OLFM3: variants seen among roughly 807,000 people sequenced by gnomAD.
OLFM3 encodes the protein olfactomedin 3.
Under a neutral mutation model 48.6 loss-of-function variants are expected in OLFM3, and 20 were observed. The observed-to-expected ratio is 0.41, with a 90% confidence interval of 0.29 to 0.60. The LOEUF (loss-of-function observed/expected upper bound fraction) is 0.60, where lower values mean the gene tolerates loss of function less well. OLFM3 is among the 20% of genes least tolerant of loss of function. The pLI, the probability that OLFM3 is intolerant of heterozygous loss-of-function variation, is 0.28. For missense variants in OLFM3, 437 were observed against 544.3 expected, an observed-to-expected ratio of 0.80 and a Z score of 1.96; for synonymous variants, 222 against 198.1, an observed-to-expected ratio of 1.12 and a Z score of -1.01.
At chr1:101,958,531 G>A (rs1353363510) in intron 1 of OLFM3, among the ~76,000 whole-genome samples, 1 of 152,056 alleles carries the variant, frequency 6.6e-6, no homozygotes, top group Non-Finnish European at 1.5e-5. Context: ...GGGACTAGCA[G>A]AGCATACAGA....
chr1:101,807,650 G>A (rs920779374), intron 4 of OLFM3, among the ~76,000 whole-genome samples: 16 of 151,882 alleles, frequency 1.1e-4, no homozygotes, highest in Middle Eastern at 6.8e-3. Context: ...TGCACTACTA[G>A]TTTAGTGATA....
In OLFM3 at chr1:101,996,902, T is replaced by G; in HGVS notation, c.-86A>C. 57 of 1,377,846 alleles carry G rather than the reference T, an allele frequency of 4.1e-5. No homozygotes were observed. Among genetic ancestry groups the G allele is most frequent in the Non-Finnish European group, 5.6e-5 (54 of 972,506 alleles). The allele number at this position is 1,377,846 out of a possible 1,614,324, so 85.4% of individuals were successfully genotyped here. A position where few individuals can be genotyped will look rare whatever the true frequency, so the allele number is the denominator to read the frequency against. ...AGACCTTTCCCTCGTCAGTTGCACT[T>G]TCTGCCTGCCAGTCAGAGCCGAGTG... On this transcript the variant is annotated 5_prime_UTR_variant, in exon 1 of 6. Transcript: ENST00000370103.
At chr1:101,933,151 G>GAGATC (rs1659504989) in intron 1 of OLFM3, among the ~76,000 whole-genome samples, 1 of 127,008 alleles carries the variant, frequency 7.9e-6, no homozygotes, top group African/African-American at 3.0e-5. Context: ...GCAGTGAGCT[G>GAGATC]AGATCACGCC....
chr1:101,810,750 C>T (rs1011132809), intron 4 of OLFM3, among the ~76,000 whole-genome samples: 5 of 151,876 alleles, frequency 3.3e-5, no homozygotes, highest in African/African-American at 1.2e-4. Flanking sequence ...AAACTTTTAA[C>T]TCTTACTATT....
intron 1 of OLFM3, among the ~76,000 whole-genome samples, chr1:101,985,840 A>C (rs1410442107): frequency 6.6e-6 from 1 of 152,070 alleles, no homozygotes; most frequent in East Asian, 1.9e-4. Context: ...AATTGCAGTG[A>C]TTTTTCTCCA....
At chr1:101,924,794 T>C (rs1659215141) in intron 1 of OLFM3, among the ~76,000 whole-genome samples, 1 of 152,160 alleles carries the variant, frequency 6.6e-6, no homozygotes, top group Non-Finnish European at 1.5e-5. Flanking sequence ...ATCAAAGCTC[T>C]TCAGTAACAG....
intron 1 of OLFM3, among the ~76,000 whole-genome samples, chr1:101,991,899 G>A (rs1031035834): frequency 6.6e-6 from 1 of 151,626 alleles, no homozygotes. Context: ...TACTATCCAA[G>A]GAAGCTTGTC....
At chr1:101,955,789 G>GA (rs1313562035) in intron 1 of OLFM3, among the ~76,000 whole-genome samples, 2 of 151,806 alleles carry the variant, frequency 1.3e-5, no homozygotes, top group Non-Finnish European at 2.9e-5. Context: ...CTTCAGTCTT[G>GA]AATGCTATAC....
intron 1 of OLFM3, among the ~76,000 whole-genome samples, chr1:101,933,565 C>T (rs887416448): frequency 6.6e-6 from 1 of 152,028 alleles, no homozygotes; most frequent in African/African-American, 2.4e-5. Flanking sequence ...TGAAAATGTC[C>T]TCGACCTCAA....
At chr1:101,824,685 A>AACAAC (rs1654774766) in intron 4 of OLFM3, among the ~76,000 whole-genome samples, 1 of 147,982 alleles carries the variant, frequency 6.8e-6, no homozygotes, top group Admixed American at 6.8e-5. Context: ...ACAACAACAA[A>AACAAC]AAACAGTTTC....
rs568968724 is a variant in OLFM3 at position 101,978,206 on chromosome 1, G to A, written c.69+18542C>T. ...ATTATGGAGAAATGTGTGATTTGGA[G>A]AGAAGTAACATGCTTCAAGTGAGAC... On this transcript the variant is annotated intron_variant, in intron 1 of 5. Transcript: ENST00000370103. Among the ~76,000 whole-genome samples the A allele has an allele frequency of 5.9e-5, 9 of 152,216 alleles. No individual in the cohort carries two copies. In the East Asian group the frequency reaches 1.7e-3, roughly 29 times the overall value.
chr1:101,961,096 A>G (rs926136984), intron 1 of OLFM3, among the ~76,000 whole-genome samples: 1 of 152,152 alleles, frequency 6.6e-6, no homozygotes, highest in African/African-American at 2.4e-5. Context: ...ATGGCAATTT[A>G]CCATAGGAAT....
chr1:101,923,045 T>A (rs909431939), intron 1 of OLFM3, among the ~76,000 whole-genome samples: 1 of 152,216 alleles, frequency 6.6e-6, no homozygotes, highest in Non-Finnish European at 1.5e-5. Context: ...CTGAGTGTTA[T>A]CCAGGCAGTC....
At chr1:101,815,612 CA>C (rs59686771) in intron 4 of OLFM3, among the ~76,000 whole-genome samples, 96,651 of 151,156 alleles carry the variant, frequency 0.64, 31,011 homozygotes, top group East Asian at 0.65. Context: ...TTTAAAAACT[CA>C]AAAAAAAATA....
chr1:101,954,285 A>C (rs1357872291), intron 1 of OLFM3, among the ~76,000 whole-genome samples: 1 of 152,094 alleles, frequency 6.6e-6, no homozygotes, highest in Non-Finnish European at 1.5e-5. Context: ...TAACTTGTTA[A>C]CTTTCATTGT....
At chr1:101,945,477 G>T (rs1288415112) in intron 1 of OLFM3, among the ~76,000 whole-genome samples, 1 of 152,052 alleles carries the variant, frequency 6.6e-6, no homozygotes, top group Non-Finnish European at 1.5e-5. Context: ...GCAGGAAGCA[G>T]GTCAGTGGTT....
intron 1 of OLFM3, among the ~76,000 whole-genome samples, chr1:101,939,278 G>C (rs1260174738): frequency 6.6e-6 from 1 of 152,096 alleles, no homozygotes; most frequent in Non-Finnish European, 1.5e-5. Context: ...AACTTGGATG[G>C]CAAAATGTTA....
rs980791569 is a variant in OLFM3, at chr1:101,891,998, C to T, written c.70-54973G>A. Among the ~76,000 whole-genome samples, 8 of 151,968 alleles carry T rather than the reference C, an allele frequency of 5.3e-5. No homozygotes were observed. The South Asian group carries it at 1.5e-3, about 28-fold the overall frequency. ...GTACACTACGGATTGTAGAATTAGG[C>T]ATACTGAAGACAACATTTTAAATTT... On this transcript the variant is annotated intron_variant, in intron 1 of 5. Coordinates refer to ENST00000370103, the MANE Select transcript of OLFM3 (RefSeq NM_058170.4).
intron 1 of OLFM3, among the ~76,000 whole-genome samples, chr1:101,965,699 T>G (rs1226948557): frequency 6.6e-6 from 1 of 152,210 alleles, no homozygotes; most frequent in Admixed American, 6.5e-5. Context: ...CACATTTATT[T>G]ATAGTACCCA....
Sources: gnomAD v4.1 joint callset for allele counts (sites outside exome capture counted in the v4.1 genomes callset) on GRCh38, gnomAD v4.1.1 for gene constraint, MANE v1.5 for transcripts, NCBI Gene and HGNC (gene_info 2026-07-23, HGNC 2026-07-21) for gene names.